The following NT5C2 variants were observed in gnomAD, a reference collection of about 807,000 sequenced individuals.
NT5C2 encodes the protein 5'-nucleotidase, cytosolic II.
In NT5C2, 58 loss-of-function variants were observed where a neutral mutation model predicts 76.1. The observed-to-expected ratio is 0.76, with a 90% CI of 0.62 to 0.95. NT5C2 has a LOEUF of 0.95. NT5C2 is among the 40% of genes least tolerant of loss of function. The pLI, the probability that NT5C2 is intolerant of heterozygous loss-of-function variation, is 0.00. For synonymous variants in NT5C2, 229 were observed against 237.4 expected (o/e 0.96, Z 0.32); for missense variants, 478 against 690.3 (o/e 0.69, Z 3.45).
At chr10:103,129,032 T>C (rs1485456174) in intron 4 of NT5C2, among the ~76,000 whole-genome samples, 1 of 82,684 alleles carries the variant, frequency 1.2e-5, no homozygotes. Flanking sequence ...AGGTGGGGGG[T>C]CAGCCCCCCC....
intron 1 of NT5C2, among the ~76,000 whole-genome samples, chr10:103,186,327 C>A (rs990070339): frequency 6.6e-6 from 1 of 152,192 alleles, no homozygotes; most frequent in Non-Finnish European, 1.5e-5. Context: ...TGCTTGAGTG[C>A]AAGATGTTTG....
rs2091480656 is a variant in NT5C2 at position 103,183,280 on chromosome 10, T to TG, written c.-168-1953_-168-1952insC. Among the ~76,000 whole-genome samples, 4 of 134,960 alleles carry TG rather than the reference T, an allele frequency of 3.0e-5. No individual in the cohort carries two copies. In the Admixed American group the frequency reaches 3.0e-4, roughly 10 times the overall value. 88.5% of individuals were successfully genotyped at this position (134,960 alleles called of 152,430 possible). ...TGTGTGTGATATATATATATATATA[T>TG]ATATATATATATATCACACACTCCT... On this transcript the variant is annotated intron_variant, in intron 1 of 18. Coordinates refer to ENST00000404739, the MANE Select transcript of NT5C2 (RefSeq NM_001351169.2).
At chr10:103,164,257 GCTT>G (rs2085757358) in intron 3 of NT5C2, among the ~76,000 whole-genome samples, 1 of 151,644 alleles carries the variant, frequency 6.6e-6, no homozygotes, top group East Asian at 1.9e-4. Flanking sequence ...GAAAAACAAT[GCTT>G]TTTTTTTTCT....
intron 4 of NT5C2, among the ~76,000 whole-genome samples, chr10:103,129,058 C>A (rs1262204044): frequency 1.6e-5 from 2 of 123,124 alleles, no homozygotes; most frequent in African/African-American, 6.0e-5. Flanking sequence ...GCCAGCCGTG[C>A]CATCCGGGAG....
In NT5C2 at chr10:103,089,509, C is replaced by T. The variant is rs1343203076; in HGVS notation, c.*163G>A. On this transcript the variant is annotated 3_prime_UTR_variant, in exon 19 of 19. Coordinates refer to ENST00000404739, the MANE Select transcript of NT5C2 (RefSeq NM_001351169.2). ...TGCAGAGAGTACAGATACACAAAACCAAAACAAGTATCTATGATAATAAAA... is the reference window on the plus strand; with the variant it reads ...TGCAGAGAGTACAGATACACAAAACTAAAACAAGTATCTATGATAATAAAA... The T allele has an allele frequency of 2.3e-6, 3 of 1,316,628 alleles. No individual in the cohort carries two copies. Among genetic ancestry groups the T allele is most frequent in the Non-Finnish European group, 3.0e-6 (3 of 998,682 alleles). The allele number at this position is 1,316,628 out of a possible 1,614,324, so 81.6% of individuals were successfully genotyped here.
intron 3 of NT5C2, chr10:103,146,466 T>C (rs1308536443): frequency 4.1e-6 from 4 of 984,608 alleles, no homozygotes; most frequent in Non-Finnish European, 4.8e-6. Context: ...GAAAATTTGC[T>C]ACAATCAAGA....
At position 103,093,255 on chromosome 10, in the gene NT5C2, T is replaced by A; in HGVS notation, c.1043A>T (p.Tyr348Phe). ...LLGAKGKDIL[Y>F]IGDHIFGDIL... Reference sequence around the variant, plus strand: ...GTCCCCAAAAATGTGATCTCCAATATACAAAATGTCTTTTCCCTTGGCTCC... The same window carrying A: ...GTCCCCAAAAATGTGATCTCCAATAAACAAAATGTCTTTTCCCTTGGCTCC... The change falls in exon 15 of 19, where the codon TAT becomes TTT. Residue 348 changes from tyrosine to phenylalanine, a missense_variant. Physicochemically the swap from Tyr to Phe is conservative, Grantham distance 22 (BLOSUM62 3). Transcript: ENST00000404739. The A allele has an allele frequency of 6.2e-7, 1 of 1,610,856 alleles. No individual in the cohort carries two copies. Among genetic ancestry groups the A allele is most frequent in the Non-Finnish European group, 8.5e-7 (1 of 1,178,590 alleles).
At chr10:103,125,406 A>C in intron 4 of NT5C2, 1 of 284,264 alleles carries the variant, frequency 3.5e-6, no homozygotes, top group South Asian at 3.8e-5. Flanking sequence ...CAAGTCGTTC[A>C]TGTGCACCAT....
At position 103,135,224 on chromosome 10, in the gene NT5C2, G is replaced by A. The variant is rs969944080; in HGVS notation, c.175+4182C>T. 2.6e-5 allele frequency among the ~76,000 whole-genome samples: 4 copies of A among 152,330 alleles called. No individual in the cohort carries two copies. The Middle Eastern group carries it at 0.01, about 389-fold the overall frequency. On this transcript the variant is annotated intron_variant, in intron 4 of 18. Transcript: ENST00000404739. Reference sequence around the variant, plus strand: ...AGGGGCAGAATGATATGGTTTGGCTGTGTCCCCACCCAAATCTCATCTTCA... The same window carrying A: ...AGGGGCAGAATGATATGGTTTGGCTATGTCCCCACCCAAATCTCATCTTCA...
chr10:103,097,224 T>G (rs2068426152), intron 11 of NT5C2, 67 bp downstream of exon 11: 2 of 1,160,938 alleles, frequency 1.7e-6, no homozygotes, highest in Middle Eastern at 2.1e-4. Flanking sequence ...TCTTCCTCAT[T>G]GTCTTCACAG....
chr10:103,093,604 T>C, intron 14 of NT5C2: 1 of 359,742 alleles, frequency 2.8e-6, no homozygotes, highest in Non-Finnish European at 5.0e-6. Context: ...AATCTGCCAT[T>C]AAGCTGGCTT....
intron 4 of NT5C2, among the ~76,000 whole-genome samples, chr10:103,115,778 A>C (rs565587143): frequency 1.3e-5 from 2 of 152,258 alleles, no homozygotes; most frequent in East Asian, 3.9e-4. Context: ...CATATATTAA[A>C]AAGTTGTCTA....
chr10:103,150,680 T>C (rs1276868057), intron 3 of NT5C2, among the ~76,000 whole-genome samples: 6 of 152,262 alleles, frequency 3.9e-5, no homozygotes, highest in Non-Finnish European at 8.8e-5. Flanking sequence ...GTAGCCATTT[T>C]AGTGTGTGTG....
chr10:103,185,296 C>T (rs1457408219), intron 1 of NT5C2, among the ~76,000 whole-genome samples: 3 of 151,506 alleles, frequency 2.0e-5, no homozygotes, highest in Non-Finnish European at 4.4e-5. Context: ...TACATTCAGA[C>T]GATATATAAT....
intron 4 of NT5C2, among the ~76,000 whole-genome samples, chr10:103,130,364 G>A (rs898196486): frequency 8.4e-4 from 128 of 151,852 alleles, no homozygotes; most frequent in African/African-American, 2.7e-3. Flanking sequence ...CAGCATGCTC[G>A]TTAAGAGTCA....
At chr10:103,161,798 A>C (rs530231673) in intron 3 of NT5C2, among the ~76,000 whole-genome samples, 3 of 152,194 alleles carry the variant, frequency 2.0e-5, no homozygotes, top group African/African-American at 7.2e-5. Flanking sequence ...CATAAACTGT[A>C]TAAGTTCATT....
Position 103,098,930 on chromosome 10 carries a change from C to T in NT5C2, c.687+1G>A, listed in dbSNP as rs2068858553. ...GATCTATTTTCCCCTATATTACTTA[C>T]ATCTTTGACTACATACTTCTCAAGA... is the stretch of plus-strand genomic sequence containing the variant. On this transcript the variant is annotated splice_donor_variant, in intron 10 of 18. Coordinates refer to ENST00000404739, the MANE Select transcript of NT5C2 (RefSeq NM_001351169.2). LOFTEE classifies it high-confidence loss of function. 1 of 1,599,192 alleles carries T rather than the reference C, an allele frequency of 6.3e-7. No individual in the cohort carries two copies. Among genetic ancestry groups the T allele is most frequent in the Non-Finnish European group, 8.6e-7 (1 of 1,167,902 alleles).
chr10:103,130,314 G>A lies in NT5C2; in HGVS notation c.175+9092C>T, dbSNP rs2077884188. On this transcript the variant is annotated intron_variant, in intron 4 of 18. Transcript: ENST00000404739. ...TCCACTCAGGGTTAAATGGATTAAGGGCGGTGCAAGATGTGCTTTGTTAAA... is the reference window on the plus strand; with the variant it reads ...TCCACTCAGGGTTAAATGGATTAAGAGCGGTGCAAGATGTGCTTTGTTAAA... Among the ~76,000 whole-genome samples, 10 of 151,850 alleles carry A rather than the reference G, an allele frequency of 6.6e-5. No individual in the cohort carries two copies. In the South Asian group the frequency reaches 2.1e-3, roughly 32 times the overall value.
chr10:103,178,813 C>T (rs1242216004), intron 2 of NT5C2, among the ~76,000 whole-genome samples: 5 of 131,870 alleles, frequency 3.8e-5, no homozygotes, highest in Non-Finnish European at 6.4e-5. Flanking sequence ...CCAGCCTGGG[C>T]AACAAGATCA....
Sources: gnomAD v4.1 joint callset for allele counts (sites outside exome capture counted in the v4.1 genomes callset) on GRCh38, gnomAD v4.1.1 for gene constraint, MANE v1.5 for transcripts, NCBI Gene and HGNC (gene_info 2026-07-23, HGNC 2026-07-21) for gene names.